FGF12: variants seen among roughly 807,000 people sequenced by gnomAD.
FGF12 encodes the protein fibroblast growth factor 12.
A neutral mutation model predicts 23.6 loss-of-function variants in FGF12; 14 were observed. The ratio of observed to expected loss-of-function variants is 0.59; its 90% CI spans 0.39 to 0.93. The LOEUF is 0.93. FGF12 is among the 40% of genes least tolerant of loss of function. FGF12 has a pLI of 0.00. For missense variants in FGF12, 175 were observed against 217.8 expected (o/e 0.80, Z 1.24); for synonymous variants, 62 against 77.3 (o/e 0.80, Z 1.04).
At chr3:192,273,184 T>C (rs1713557510) in intron 4 of FGF12, among the ~76,000 whole-genome samples, 1 of 152,170 alleles carries the variant, frequency 6.6e-6, no homozygotes, top group Non-Finnish European at 1.5e-5. Context: ...CCACTTATGC[T>C]GTTACATAAA....
intron 2 of FGF12, among the ~76,000 whole-genome samples, chr3:192,484,315 TAAAAAAAAAAAAAAA>T (rs57914760): frequency 0.21 from 20,984 of 99,722 alleles, 1,875 homozygotes; most frequent in South Asian, 0.31. Flanking sequence ...TCCATTTTCC[TAAAAAAAAAAAAAAA>T]AAAAAAAAGA....
chr3:192,458,508 C>T (rs1025630407), intron 2 of FGF12, among the ~76,000 whole-genome samples: 14 of 152,196 alleles, frequency 9.2e-5, no homozygotes, highest in African/African-American at 3.4e-4. Context: ...AATTTGCCTG[C>T]CTCACAGGTT....
At chr3:192,163,711 C>CTGA (rs1395098567) in intron 5 of FGF12, among the ~76,000 whole-genome samples, 2 of 152,026 alleles carry the variant, frequency 1.3e-5, no homozygotes, top group African/African-American at 4.8e-5. Context: ...GGTTCTGGTA[C>CTGA]TGATGTTTGG....
chr3:192,441,347 T>C (rs892085346), intron 2 of FGF12, among the ~76,000 whole-genome samples: 2 of 152,110 alleles, frequency 1.3e-5, no homozygotes, highest in East Asian at 1.9e-4. Flanking sequence ...ATTTAGCCAG[T>C]AGAAAAAGTA....
chr3:192,688,438 T>G (rs1717836008), intron 2 of FGF12, among the ~76,000 whole-genome samples: 1 of 152,196 alleles, frequency 6.6e-6, no homozygotes, highest in South Asian at 2.1e-4. Context: ...ACGCATCAAA[T>G]GCTACATTTG....
intron 2 of FGF12, among the ~76,000 whole-genome samples, chr3:192,666,047 A>T (rs1012946939): frequency 6.6e-6 from 1 of 152,238 alleles, no homozygotes; most frequent in African/African-American, 2.4e-5. Flanking sequence ...AATATAACTT[A>T]CCTATGAAGT....
intron 4 of FGF12, among the ~76,000 whole-genome samples, chr3:192,250,879 AG>A (rs908302279): frequency 6.6e-6 from 1 of 152,176 alleles, no homozygotes; most frequent in Non-Finnish European, 1.5e-5. Context: ...AATTCATACA[AG>A]CCAAAGAACA....
intron 2 of FGF12, among the ~76,000 whole-genome samples, chr3:192,504,471 G>C (rs982710194): frequency 6.6e-6 from 1 of 152,230 alleles, no homozygotes; most frequent in Non-Finnish European, 1.5e-5. Context: ...GCCTTTCCCA[G>C]AGTATTGGAA....
At chr3:192,328,849 G>A (rs1716963402) in intron 4 of FGF12, among the ~76,000 whole-genome samples, 1 of 152,178 alleles carries the variant, frequency 6.6e-6, no homozygotes, top group African/African-American at 2.4e-5. Flanking sequence ...TCAGTATGCA[G>A]TCTGGTGCCT....
chr3:192,567,793 C>CT (rs375127511), intron 2 of FGF12, among the ~76,000 whole-genome samples: 4,574 of 129,740 alleles, frequency 0.035, 133 homozygotes, highest in Middle Eastern at 0.08. Context: ...TTCTTTCTTT[C>CT]TTTCTTTCTC....
intron 2 of FGF12, among the ~76,000 whole-genome samples, chr3:192,425,766 G>T (rs1721671737): frequency 6.6e-6 from 1 of 152,184 alleles, no homozygotes; most frequent in Non-Finnish European, 1.5e-5. Flanking sequence ...AACTGTGATA[G>T]AATTTAATCT....
rs1027371226 is a variant in FGF12 at position 192,140,457 on chromosome 3, G to GT, written c.*3551dup. 2.0e-5 allele frequency: 3 copies of GT among 151,956 alleles called. No individual in the cohort carries two copies. The highest frequency in any genetic ancestry group is 2.9e-5 in the Non-Finnish European group (2 of 67,882). 9.4% of individuals were successfully genotyped at this position (151,956 alleles called of 1,614,324 possible). ...ATCGATTTGCTATTTCTGGGTCTAT[G>GT]TTTTTAAAAAATTACTGGCAACGTA... On this transcript the variant is annotated 3_prime_UTR_variant, in exon 6 of 6. Coordinates refer to ENST00000445105, the MANE Select transcript of FGF12 (RefSeq NM_004113.6).
intron 4 of FGF12, chr3:192,238,533 G>C (rs996865756): frequency 1.3e-5 from 2 of 152,118 alleles, no homozygotes; most frequent in Admixed American, 1.3e-4. Context: ...TTTCAGTTTT[G>C]TTAACCTGTA....
chr3:192,383,625 A>G (rs1719921202), intron 2 of FGF12, among the ~76,000 whole-genome samples: 1 of 152,164 alleles, frequency 6.6e-6, no homozygotes, highest in African/African-American at 2.4e-5. Flanking sequence ...TCTTGGACAA[A>G]GGTAGATGAA....
chr3:192,388,764 G>T (rs974157812), intron 2 of FGF12, among the ~76,000 whole-genome samples: 1 of 151,552 alleles, frequency 6.6e-6, no homozygotes, highest in African/African-American at 2.4e-5. Context: ...GCCAGACTGT[G>T]GAATTCTATA....
intron 4 of FGF12, among the ~76,000 whole-genome samples, chr3:192,331,159 G>C (rs1717095606): frequency 6.6e-6 from 1 of 151,766 alleles, no homozygotes; most frequent in Admixed American, 6.6e-5. Flanking sequence ...AACAAAATGG[G>C]TTATCATCTC....
At chr3:192,649,701 G>A (rs1425991592) in intron 2 of FGF12, among the ~76,000 whole-genome samples, 2 of 150,968 alleles carry the variant, frequency 1.3e-5, no homozygotes, top group Admixed American at 6.6e-5. Flanking sequence ...AATTATAGGC[G>A]TGCACCGTCA....
In FGF12 at chr3:192,726,853, T is replaced by C. The variant is rs1044718861; in HGVS notation, c.13+328A>G. The C allele has an allele frequency of 4.3e-5, 16 of 374,090 alleles. No homozygotes were observed. In the Admixed American group the frequency reaches 4.8e-4, roughly 11 times the overall value. The allele number at this position is 374,090 out of a possible 1,614,324, so 23.2% of individuals were successfully genotyped here. ...AATGAAATAGATTTATTTGAGTCCA[T>C]CCATTATACAGAAAAGATATTGCTT... On this transcript the variant is annotated intron_variant, in intron 2 of 5. Transcript: ENST00000445105.
At chr3:192,509,479 C>G (rs1724406660) in intron 2 of FGF12, among the ~76,000 whole-genome samples, 1 of 152,200 alleles carries the variant, frequency 6.6e-6, no homozygotes, top group Non-Finnish European at 1.5e-5. Context: ...ATGGAGATAA[C>G]TCTTCCTCTC....
Sources: gnomAD v4.1 joint callset for allele counts (sites outside exome capture counted in the v4.1 genomes callset) on GRCh38, gnomAD v4.1.1 for gene constraint, MANE v1.5 for transcripts, NCBI Gene and HGNC (gene_info 2026-07-23, HGNC 2026-07-21) for gene names.